The following HSD17B13 variants were observed in gnomAD, a reference collection of about 807,000 sequenced individuals.
HSD17B13 encodes hydroxysteroid 17-beta dehydrogenase 13, also known as 17-beta-hydroxysteroid dehydrogenase 13.
A neutral mutation model predicts 31.1 loss-of-function variants in HSD17B13; 26 were observed. The observed-to-expected ratio is 0.84, with a 90% confidence interval of 0.61 to 1.16. The LOEUF is 1.16. HSD17B13 is among the 50% of genes most tolerant of loss of function. The pLI is 0.00. For synonymous variants in HSD17B13, 141 were observed against 133.7 expected, an observed-to-expected ratio of 1.05 and a Z score of -0.38; for missense variants, 374 against 366.5, an observed-to-expected ratio of 1.02 and a Z score of -0.17.
chr4:87,310,304 G>C lies in HSD17B13; in HGVS notation c.751C>G (p.Leu251Val). The change falls in exon 6 of 7, where the codon CTT becomes GTT. Residue 251 changes from leucine to valine, a missense_variant. Transcript: ENST00000328546. ...EVVRSLIDGI[L>V]TNKKMIFVPS... ...ACAAAAATCATTTTCTTATTGGTAA[G>C]TATTCCATCTATCAGACTTCTTACG... The C allele has an allele frequency of 1.3e-6, 2 of 1,578,568 alleles. No individual in the cohort carries two copies. The highest frequency in any genetic ancestry group is 1.2e-5 in the South Asian group (1 of 84,408).
chr4:87,313,704 G>T, intron 5 of HSD17B13, 119 bp downstream of exon 5: 4 of 781,396 alleles, frequency 5.1e-6, no homozygotes, highest in Non-Finnish European at 3.9e-6. Context: ...ATAATAATAA[G>T]AAAAATTATT....
intron 5 of HSD17B13, among the ~76,000 whole-genome samples, chr4:87,313,001 G>C (rs1354202817): frequency 2.6e-5 from 4 of 151,748 alleles, no homozygotes; most frequent in East Asian, 2.0e-4. Context: ...CGGAGGTTGC[G>C]GTGAGCTGAG....
intron 6 of HSD17B13, among the ~76,000 whole-genome samples, chr4:87,308,960 CA>C (rs1734462085): frequency 7.0e-6 from 1 of 142,152 alleles, no homozygotes; most frequent in Non-Finnish European, 1.5e-5. Context: ...TCGAGTTTAG[CA>C]AAAAGAGGTT....
At chr4:87,307,200 T>C (rs1734409524) in intron 6 of HSD17B13, among the ~76,000 whole-genome samples, 1 of 151,936 alleles carries the variant, frequency 6.6e-6, no homozygotes, top group South Asian at 2.1e-4. Flanking sequence ...TAAAATTGTG[T>C]CTCTCTATAA....
At chr4:87,312,440 T>C (rs1037538897) in intron 5 of HSD17B13, among the ~76,000 whole-genome samples, 2 of 150,602 alleles carry the variant, frequency 1.3e-5, no homozygotes, top group Non-Finnish European at 3.0e-5. Flanking sequence ...TGAACCTCTC[T>C]AAAGGGCTGC....
intron 6 of HSD17B13, among the ~76,000 whole-genome samples, chr4:87,308,853 T>C (rs943095409): frequency 6.7e-6 from 1 of 148,728 alleles, no homozygotes. Context: ...GTAAATTGAA[T>C]AGCCATGTAG....
At chr4:87,319,567 A>C (rs1032983071) in intron 1 of HSD17B13, among the ~76,000 whole-genome samples, 5 of 152,238 alleles carry the variant, frequency 3.3e-5, no homozygotes, top group Non-Finnish European at 7.3e-5. Context: ...GTAATGGTAA[A>C]CTGTATGCCT....
chr4:87,315,633 GAC>G (rs1368457359), intron 3 of HSD17B13, 34 bp from the exon 4 acceptor site: 1 of 1,354,930 alleles, frequency 7.4e-7, no homozygotes, highest in East Asian at 2.3e-5. Context: ...GAAAGACAAT[GAC>G]ATAGACGTTA....
intron 5 of HSD17B13, 148 bp downstream of exon 5, chr4:87,313,675 C>A: frequency 1.6e-6 from 1 of 636,958 alleles, no homozygotes; most frequent in Non-Finnish European, 2.5e-6. Context: ...CCCTTTATTC[C>A]TTTAATTTCA....
chr4:87,320,449 T>G (rs1417329574), intron 1 of HSD17B13, among the ~76,000 whole-genome samples: 1 of 139,574 alleles, frequency 7.2e-6, no homozygotes, highest in African/African-American at 2.6e-5. Context: ...TGCAGTGGCG[T>G]CATCTCGGCT....
intron 1 of HSD17B13, among the ~76,000 whole-genome samples, chr4:87,321,276 C>T (rs1246316433): frequency 6.6e-6 from 1 of 152,142 alleles, no homozygotes; most frequent in Non-Finnish European, 1.5e-5. Context: ...AGCAATCTGC[C>T]CACCTCCGTC....
intron 6 of HSD17B13, among the ~76,000 whole-genome samples, chr4:87,307,306 C>T (rs1329938799): frequency 6.6e-6 from 1 of 152,096 alleles, no homozygotes; most frequent in Admixed American, 6.6e-5. Context: ...CTTTGAGACT[C>T]TTGTTTATTT....
Position 87,303,878 on chromosome 4 carries a change from T to TCTG in HSD17B13, c.*1339_*1340insCAG, listed in dbSNP as rs1319704472. 3 of 40,780 alleles carry TCTG rather than the reference T, an allele frequency of 7.4e-5. No individual in the cohort carries two copies. The African/African-American group carries it at 8.3e-4, about 11-fold the overall frequency. The allele number at this position is 40,780 out of a possible 1,614,324, so 2.5% of individuals were successfully genotyped here. ...ACATATTTATTTTTAGTGAATTGTT[T>TCTG]TTGTGACTTTTAAAAAAATCATTTG... On this transcript the variant is annotated 3_prime_UTR_variant, in exon 7 of 7. Coordinates refer to ENST00000328546, the MANE Select transcript of HSD17B13 (RefSeq NM_178135.5).
intron 1 of HSD17B13, 40 bp from the exon 2 acceptor site, chr4:87,318,476 A>G: frequency 6.4e-7 from 1 of 1,560,858 alleles, no homozygotes; most frequent in Non-Finnish European, 8.8e-7. Context: ...AAAGTGGAGG[A>G]GAAGACATTG....
intron 5 of HSD17B13, among the ~76,000 whole-genome samples, chr4:87,313,554 T>G (rs1226800367): frequency 6.6e-6 from 1 of 152,168 alleles, no homozygotes; most frequent in Non-Finnish European, 1.5e-5. Flanking sequence ...ATTTGCATTT[T>G]AAAGACAGGG....
At chr4:87,316,423 T>A (rs1355119193) in intron 3 of HSD17B13, among the ~76,000 whole-genome samples, 1 of 152,144 alleles carries the variant, frequency 6.6e-6, no homozygotes, top group Non-Finnish European at 1.5e-5. Context: ...GGGACACATC[T>A]CTTTTTTTTC....
rs117523074 is a variant in HSD17B13, at chr4:87,310,646, C to T, written c.696-287G>A. 7.8e-4 allele frequency among the ~76,000 whole-genome samples: 119 copies of T among 152,160 alleles called. 4 individuals carry two copies. The East Asian group carries it at 0.022, about 28-fold the overall frequency. The stretch of plus-strand genomic sequence containing the variant: ...CATTAGATGGTAAGGAGTAGTGGAG[C>T]CAGACAAGAAAGAGGAATGGCTAGG... On this transcript the variant is annotated intron_variant, in intron 5 of 6. Coordinates refer to ENST00000328546, the MANE Select transcript of HSD17B13 (RefSeq NM_178135.5).
chr4:87,309,143 G>T (rs1197008790), intron 6 of HSD17B13, among the ~76,000 whole-genome samples: 1 of 152,064 alleles, frequency 6.6e-6, no homozygotes. Flanking sequence ...AGCACTTTGG[G>T]AGGCTGAGGC....
chr4:87,317,562 A>ATTTTTTTTT (rs1560750190), intron 2 of HSD17B13, among the ~76,000 whole-genome samples: 2 of 61,022 alleles, frequency 3.3e-5, no homozygotes, highest in Non-Finnish European at 6.1e-5. Flanking sequence ...TTTTCTTTAA[A>ATTTTTTTTT]CTTTTTTTTT....
Sources: allele counts gnomAD v4.1 joint callset (sites outside exome capture counted in the v4.1 genomes callset), GRCh38; gene constraint gnomAD v4.1.1; transcripts MANE v1.5; gene names NCBI Gene and HGNC (gene_info 2026-07-23, HGNC 2026-07-21).